The following SORCS2 variants were observed in gnomAD, a reference collection of about 807,000 sequenced individuals.
The protein encoded by SORCS2 is VPS10 domain-containing receptor SorCS2.
In SORCS2, 100 loss-of-function variants were observed where a neutral mutation model predicts 141.6. The observed-to-expected ratio is 0.71, with a 90% CI of 0.60 to 0.83. SORCS2 has a LOEUF of 0.83. Ranked by LOEUF, SORCS2 falls within the 40% of genes least tolerant of loss-of-function variation. SORCS2 has a pLI of 0.00. For synonymous variants in SORCS2, 789 were observed against 676.9 expected (o/e 1.17, Z -2.57); for missense variants, 1,646 against 1,560.2 (o/e 1.05, Z -0.93).
At chr4:7,637,312 C>T (rs1035786995) in intron 3 of SORCS2, among the ~76,000 whole-genome samples, 4 of 44,818 alleles carry the variant, frequency 8.9e-5, no homozygotes, top group Admixed American at 4.5e-4. Flanking sequence ...ATCAGCACCT[C>T]GGGCCTGCCC....
At position 7,531,543 on chromosome 4, in the gene SORCS2, G is replaced by A. The variant is rs928039294; in HGVS notation, c.562G>A (p.Gly188Arg). The A allele has an allele frequency of 4.3e-6, 7 of 1,613,634 alleles. No homozygotes were observed. Among genetic ancestry groups the A allele is most frequent in the South Asian group, 2.2e-5 (2 of 91,040 alleles). Residue 188 changes from glycine (G) to arginine (R), a missense_variant, in exon 3 of 27, where the codon GGG becomes AGG. Gly to Arg is a moderately radical substitution (Grantham distance 125). Coordinates refer to ENST00000507866, the MANE Select transcript of SORCS2 (RefSeq NM_020777.3). ...ESSLWRSSDFGTSYTKLTLQP... is the reference protein window; with the variant it reads ...ESSLWRSSDFRTSYTKLTLQP... Reference sequence around the variant, plus strand: ...CTTTTCCCCCAGGTCATCAGATTTCGGGACGTCCTACACCAAGCTCACCCT... The same window carrying A: ...CTTTTCCCCCAGGTCATCAGATTTCAGGACGTCCTACACCAAGCTCACCCT...
intron 1 of SORCS2, among the ~76,000 whole-genome samples, chr4:7,381,323 C>G (rs1013007266): frequency 1.3e-5 from 2 of 152,150 alleles, no homozygotes; most frequent in African/African-American, 4.8e-5. Context: ...GTGAGACACA[C>G]GGAGCACAGA....
At chr4:7,525,503 C>T (rs1011087883) in intron 2 of SORCS2, among the ~76,000 whole-genome samples, 3 of 152,038 alleles carry the variant, frequency 2.0e-5, no homozygotes, top group Non-Finnish European at 2.9e-5. Flanking sequence ...CCCAGCCCTC[C>T]ACCTTCCCCC....
intron 4 of SORCS2, among the ~76,000 whole-genome samples, chr4:7,650,690 C>T (rs1721379450): frequency 6.6e-6 from 1 of 151,492 alleles, no homozygotes; most frequent in African/African-American, 2.4e-5. Context: ...AGACCCGGGT[C>T]CCCGCCTCCC....
At chr4:7,454,890 G>A (rs866749552) in intron 2 of SORCS2, among the ~76,000 whole-genome samples, 11 of 120,930 alleles carry the variant, frequency 9.1e-5, no homozygotes, top group South Asian at 3.2e-4. Context: ...GGGGTCAGGT[G>A]CTGTGTTGGG....
chr4:7,215,458 G>C (rs11730406), intron 1 of SORCS2, among the ~76,000 whole-genome samples: 90,924 of 152,008 alleles, frequency 0.6, 27,467 homozygotes, highest in Non-Finnish European at 0.62. Flanking sequence ...TGACGAGCGC[G>C]ACCCCCTGCT....
chr4:7,640,130 TGTGA>T (rs1359247885), intron 4 of SORCS2, among the ~76,000 whole-genome samples: 1 of 148,240 alleles, frequency 6.7e-6, no homozygotes, highest in Non-Finnish European at 1.5e-5. Flanking sequence ...TGTTAGCGAG[TGTGA>T]GTGTACATGA....
chr4:7,684,101 C>T (rs1053685944), intron 10 of SORCS2, among the ~76,000 whole-genome samples: 1 of 152,182 alleles, frequency 6.6e-6, no homozygotes, highest in Non-Finnish European at 1.5e-5. Flanking sequence ...TCTCTCCTTG[C>T]ATACCGCAGG....
At chr4:7,684,985 C>T (rs1362200109) in intron 10 of SORCS2, among the ~76,000 whole-genome samples, 3 of 152,210 alleles carry the variant, frequency 2.0e-5, no homozygotes, top group Non-Finnish European at 4.4e-5. Flanking sequence ...CGTGAACACT[C>T]ACCTCTCAGG....
intron 3 of SORCS2, among the ~76,000 whole-genome samples, chr4:7,595,343 G>A (rs904775931): frequency 6.6e-6 from 1 of 152,156 alleles, no homozygotes; most frequent in African/African-American, 2.4e-5. Context: ...CATCTAGGGG[G>A]TTTGTGGGGG....
At chr4:7,219,877 G>A (rs1577290376) in intron 1 of SORCS2, among the ~76,000 whole-genome samples, 2 of 152,338 alleles carry the variant, frequency 1.3e-5, no homozygotes, top group Admixed American at 6.5e-5. Context: ...CGCAGCAGCC[G>A]CACTGTGAGA....
At chr4:7,632,182 C>G (rs1719937664) in intron 3 of SORCS2, among the ~76,000 whole-genome samples, 2 of 152,200 alleles carry the variant, frequency 1.3e-5, no homozygotes, top group Admixed American at 1.3e-4. Context: ...TCCCCGTAAA[C>G]TGTGCACCCG....
intron 3 of SORCS2, among the ~76,000 whole-genome samples, chr4:7,601,108 T>C (rs533215216): frequency 6.2e-4 from 95 of 152,336 alleles, no homozygotes; most frequent in African/African-American, 2.1e-3. Flanking sequence ...CTCGAACTCC[T>C]GACCTAGTCT....
At chr4:7,343,851 G>C (rs763704219) in intron 1 of SORCS2, among the ~76,000 whole-genome samples, 1 of 152,210 alleles carries the variant, frequency 6.6e-6, no homozygotes, top group Admixed American at 6.5e-5. Flanking sequence ...GAGGAAGGTT[G>C]ACAGGCCCTG....
At chr4:7,321,339 AT>A (rs1484540310) in intron 1 of SORCS2, among the ~76,000 whole-genome samples, 1 of 152,148 alleles carries the variant, frequency 6.6e-6, no homozygotes. Flanking sequence ...TTATTCACTC[AT>A]TGGTTGATGG....
chr4:7,204,007 C>T lies in SORCS2; in HGVS notation c.480+10881C>T, dbSNP rs552661213. On this transcript the variant is annotated intron_variant, in intron 1 of 26. Transcript: ENST00000507866. ...TGCCAGAATTTCCTTCCTTTTTTTA[C>T]GGCTGAGTAATATTCCACTGTATGG... 4.6e-5 allele frequency among the ~76,000 whole-genome samples: 7 copies of T among 152,248 alleles called. No homozygotes were observed. In the East Asian group the frequency reaches 5.8e-4, roughly 13 times the overall value.
Position 7,697,337 on chromosome 4 carries a change from C to T in SORCS2, c.1668+63C>T, listed in dbSNP as rs576548666. 17 of 1,373,420 alleles carry T rather than the reference C, an allele frequency of 1.2e-5. 1 individual carries two copies. In the South Asian group the frequency reaches 1.9e-4, roughly 15 times the overall value. The allele number at this position is 1,373,420 out of a possible 1,614,324, so 85.1% of individuals were successfully genotyped here. A position where few individuals can be genotyped will look rare whatever the true frequency, so the allele number is the denominator to read the frequency against. ...ATCCAGCCGGGACCCTCAGGAGACA[C>T]TTCTGTTCTGTCATCCCGTCCATTC... On this transcript the variant is annotated intron_variant, in intron 12 of 26. Coordinates refer to ENST00000507866, the MANE Select transcript of SORCS2 (RefSeq NM_020777.3).
chr4:7,282,328 C>G (rs1008564498), intron 1 of SORCS2, among the ~76,000 whole-genome samples: 52 of 152,340 alleles, frequency 3.4e-4, no homozygotes, highest in African/African-American at 1.2e-3. Context: ...AAGACAGGAT[C>G]TTTTCCTCCA....
intron 1 of SORCS2, among the ~76,000 whole-genome samples, chr4:7,314,501 G>A (rs553234013): frequency 3.3e-5 from 5 of 151,392 alleles, no homozygotes; most frequent in Admixed American, 1.3e-4. Flanking sequence ...CACCACGCCC[G>A]GCTACATTTT....
Sources: gnomAD v4.1 joint callset for allele counts (sites outside exome capture counted in the v4.1 genomes callset) on GRCh38, gnomAD v4.1.1 for gene constraint, MANE v1.5 for transcripts, NCBI Gene and HGNC (gene_info 2026-07-23, HGNC 2026-07-21) for gene names.